The following QTMAN variants were observed in gnomAD, a reference collection of about 807,000 sequenced individuals.
QTMAN encodes tRNA-queuosine alpha-mannosyltransferase.
At chr2:144,026,875 T>C in the QTMAN span, among the ~76,000 whole-genome samples, 2 of 151,700 alleles carry the variant, frequency 1.3e-5, no homozygotes, top group Non-Finnish European at 2.9e-5. Context: ...GTAGTAAAAA[T>C]TGATTTGTAA....
the QTMAN span, among the ~76,000 whole-genome samples, chr2:144,254,582 T>C: frequency 2.6e-5 from 4 of 151,896 alleles, no homozygotes; most frequent in African/African-American, 7.3e-5. Flanking sequence ...GGAAGAGAAA[T>C]ATGGAATTGG....
At chr2:143,986,477 T>C in the QTMAN span, among the ~76,000 whole-genome samples, 4 of 152,186 alleles carry the variant, frequency 2.6e-5, no homozygotes, top group Non-Finnish European at 5.9e-5. Flanking sequence ...CCACCTTCTA[T>C]GATGTTAGAG....
the QTMAN span, among the ~76,000 whole-genome samples, chr2:144,096,450 G>A: frequency 1.3e-5 from 2 of 152,190 alleles, no homozygotes; most frequent in Non-Finnish European, 2.9e-5. Flanking sequence ...GGAAGACACT[G>A]TAGAACAATT....
the QTMAN span, among the ~76,000 whole-genome samples, chr2:143,964,791 C>A: frequency 1.3e-5 from 2 of 152,068 alleles, no homozygotes; most frequent in South Asian, 4.2e-4. Context: ...CTGTTCTTAA[C>A]CTCAAATTAA....
At chr2:144,022,370 G>A in the QTMAN span, among the ~76,000 whole-genome samples, 3 of 150,886 alleles carry the variant, frequency 2.0e-5, no homozygotes, top group Admixed American at 1.3e-4. Context: ...GCTCAATGAA[G>A]CCTCCAATTT....
chr2:144,086,302 A>G, the QTMAN span, among the ~76,000 whole-genome samples: 1 of 152,092 alleles, frequency 6.6e-6, no homozygotes, highest in South Asian at 2.1e-4. Flanking sequence ...TCTACTATGT[A>G]CCAATAATTT....
At chr2:144,150,727 A>AT in the QTMAN span, among the ~76,000 whole-genome samples, 4 of 152,202 alleles carry the variant, frequency 2.6e-5, no homozygotes, top group African/African-American at 9.6e-5. Context: ...CAGTTCTGGA[A>AT]TGGCATTATT....
chr2:144,187,857 A>G, the QTMAN span, among the ~76,000 whole-genome samples: 2 of 152,186 alleles, frequency 1.3e-5, no homozygotes, highest in Non-Finnish European at 2.9e-5. Context: ...TGATTTAATC[A>G]AATTTAGATG....
chr2:143,983,135 GTATCT>G, the QTMAN span, among the ~76,000 whole-genome samples: 1 of 152,078 alleles, frequency 6.6e-6, no homozygotes, highest in Non-Finnish European at 1.5e-5. Context: ...CTCATATTTA[GTATCT>G]GTACTTGAGG....
chr2:144,088,385 G>T, the QTMAN span, among the ~76,000 whole-genome samples: 1 of 151,946 alleles, frequency 6.6e-6, no homozygotes, highest in Non-Finnish European at 1.5e-5. Flanking sequence ...TTGATAAAAT[G>T]ACCACATAGC....
At chr2:144,031,602 C>T in the QTMAN span, among the ~76,000 whole-genome samples, 1 of 151,968 alleles carries the variant, frequency 6.6e-6, no homozygotes, top group South Asian at 2.1e-4. Flanking sequence ...GTAAAAGTAC[C>T]CAAAGAATTT....
chr2:144,112,759 C>A, the QTMAN span, among the ~76,000 whole-genome samples: 1 of 152,154 alleles, frequency 6.6e-6, no homozygotes, highest in Non-Finnish European at 1.5e-5. Context: ...TCCAACCAGG[C>A]AGTAATGAGG....
At chr2:144,278,869 G>A in the QTMAN span, among the ~76,000 whole-genome samples, 1 of 152,074 alleles carries the variant, frequency 6.6e-6, no homozygotes, top group African/African-American at 2.4e-5. Flanking sequence ...AATGATAATA[G>A]CATCCAACTA....
chr2:144,288,862 G>A, the QTMAN span, among the ~76,000 whole-genome samples: 13 of 152,048 alleles, frequency 8.5e-5, no homozygotes, highest in Admixed American at 8.5e-4. Flanking sequence ...AGCCCCTGGT[G>A]CAACTACATA....
chr2:143,979,165 A>C, the QTMAN span, among the ~76,000 whole-genome samples: 1 of 152,176 alleles, frequency 6.6e-6, no homozygotes, highest in African/African-American at 2.4e-5. Context: ...AGAATTAAAA[A>C]AAAAAACAAA....
chr2:144,057,147 C>T, the QTMAN span, among the ~76,000 whole-genome samples: 2 of 152,112 alleles, frequency 1.3e-5, no homozygotes, highest in African/African-American at 4.8e-5. Context: ...CCCTGTATGA[C>T]CAGAAAAAGA....
chr2:144,277,652 A>G, the QTMAN span, among the ~76,000 whole-genome samples: 1 of 152,108 alleles, frequency 6.6e-6, no homozygotes, highest in Non-Finnish European at 1.5e-5. Context: ...TTCACCTACA[A>G]AATTTTTTTT....
chr2:144,223,191 A>C, the QTMAN span, among the ~76,000 whole-genome samples: 1 of 152,174 alleles, frequency 6.6e-6, no homozygotes. Flanking sequence ...ATTCCAAAAA[A>C]CCTAACTTAC....
chr2:143,999,189 G>A, the QTMAN span, among the ~76,000 whole-genome samples: 1 of 152,006 alleles, frequency 6.6e-6, no homozygotes, highest in South Asian at 2.1e-4. Context: ...TAGGAGGCAT[G>A]TGGAAAGTGC....
Sources: gnomAD v4.1 joint callset for allele counts (sites outside exome capture counted in the v4.1 genomes callset) on GRCh38, gnomAD v4.1.1 for gene constraint, MANE v1.5 for transcripts, NCBI Gene and HGNC (gene_info 2026-07-23, HGNC 2026-07-21) for gene names.